FBXL13: variants seen among roughly 807,000 people sequenced by gnomAD.
The protein encoded by FBXL13 is F-box and leucine rich repeat protein 13, also known as F-box and leucine-rich repeat protein 13.
In FBXL13, 67 loss-of-function variants were observed where a neutral mutation model predicts 83.6. The observed-to-expected ratio is 0.80, with a 90% CI of 0.66 to 0.98. FBXL13 has a LOEUF of 0.98. Ranked by LOEUF, FBXL13 falls within the 50% of genes least tolerant of loss-of-function variation. The probability of loss-of-function intolerance (pLI) is 0.00; values close to 1 mark genes in which losing one functional copy is unlikely to be tolerated. For synonymous variants in FBXL13, 272 were observed against 299.5 expected (o/e 0.91, Z 0.95); for missense variants, 822 against 866.5 (o/e 0.95, Z 0.64).
intron 6 of FBXL13, among the ~76,000 whole-genome samples, 180 bp downstream of exon 7, chr7:103,024,877 TGAGATG>T (rs1793718106): frequency 7.8e-6 from 1 of 128,708 alleles, no homozygotes; most frequent in African/African-American, 2.8e-5. Flanking sequence ...TTTTTTTTTT[TGAGATG>T]GAGTTTTGCT....
At chr7:102,887,280 T>C (rs989850542) in intron 11 of FBXL13, among the ~76,000 whole-genome samples, 3 of 152,082 alleles carry the variant, frequency 2.0e-5, no homozygotes, top group African/African-American at 7.2e-5. Context: ...GACAGGTGAT[T>C]TACACACAGA....
intron 3 of FBXL13, 117 bp from the exon 5 acceptor site, chr7:103,028,865 A>T (rs1794215445): frequency 1.2e-6 from 1 of 814,536 alleles, no homozygotes; most frequent in Non-Finnish European, 1.7e-6. Context: ...AAACCACAGC[A>T]TAGAAAGAAA....
intron 13 of FBXL13, 45 bp downstream of exon 14, chr7:102,883,523 T>G: frequency 6.3e-7 from 1 of 1,587,262 alleles, no homozygotes; most frequent in Non-Finnish European, 8.6e-7. Flanking sequence ...GCCACAAGAG[T>G]AAAAGTAAAC....
At chr7:102,820,088 C>T (rs1010598720) in intron 19 of FBXL13, among the ~76,000 whole-genome samples, 19 of 152,224 alleles carry the variant, frequency 1.2e-4, no homozygotes, top group Admixed American at 7.9e-4. Context: ...CTGGGACTCT[C>T]CAAGCCACTC....
intron 10 of FBXL13, 94 bp downstream of exon 11, chr7:102,926,180 T>C: frequency 3.0e-6 from 3 of 998,152 alleles, no homozygotes; most frequent in Middle Eastern, 4.8e-4. Context: ...GGGGTGTTGA[T>C]AAAGGGAGCA....
At chr7:102,846,552 G>T (rs914593332) in intron 17 of FBXL13, among the ~76,000 whole-genome samples, 2 of 150,184 alleles carry the variant, frequency 1.3e-5, no homozygotes, top group Non-Finnish European at 2.9e-5. Flanking sequence ...CCGGAAGGAG[G>T]TTGCAGTGAG....
At chr7:102,877,355 T>A (rs1371185331) in intron 16 of FBXL13, 112 bp downstream of exon 17, 5 of 972,404 alleles carry the variant, frequency 5.1e-6, no homozygotes, top group Non-Finnish European at 5.6e-6. Flanking sequence ...TTAACTTTTA[T>A]AATAGAATAA....
At chr7:103,072,243 C>T (rs997542625) in intron 1 of FBXL13, among the ~76,000 whole-genome samples, 7 of 151,456 alleles carry the variant, frequency 4.6e-5, no homozygotes, top group Admixed American at 2.0e-4. Context: ...AATGTACAGA[C>T]AGGATATGAG....
intron 6 of FBXL13, among the ~76,000 whole-genome samples, chr7:103,010,655 T>A (rs1791510123): frequency 6.6e-6 from 1 of 151,930 alleles, no homozygotes; most frequent in South Asian, 2.1e-4. Flanking sequence ...TGAATCCCCC[T>A]GGGGGCACCC....
intron 8 of FBXL13, among the ~76,000 whole-genome samples, chr7:102,941,418 A>G (rs1012662013): frequency 1.5e-4 from 23 of 152,094 alleles, no homozygotes; most frequent in Non-Finnish European, 2.5e-4. Context: ...CCACTTCCCA[A>G]GCCCCTACCT....
intron 6 of FBXL13, among the ~76,000 whole-genome samples, chr7:102,971,141 T>TG (rs1293768044): frequency 6.6e-6 from 1 of 152,112 alleles, no homozygotes; most frequent in African/African-American, 2.4e-5. Flanking sequence ...GCATTATAAG[T>TG]GAAACTGCAA....
chr7:102,848,881 T>C (rs1176682368), intron 17 of FBXL13, among the ~76,000 whole-genome samples: 1 of 151,960 alleles, frequency 6.6e-6, no homozygotes, highest in Non-Finnish European at 1.5e-5. Flanking sequence ...ATGCCTGTAA[T>C]CCCAGCTACT....
intron 6 of FBXL13, among the ~76,000 whole-genome samples, chr7:102,993,174 G>A (rs1829756794): frequency 6.6e-6 from 1 of 152,178 alleles, no homozygotes; most frequent in African/African-American, 2.4e-5. Flanking sequence ...GGTGAAATGA[G>A]GTCAGACTGA....
At chr7:103,038,859 G>A (rs1164057633) in intron 2 of FBXL13, among the ~76,000 whole-genome samples, 2 of 152,204 alleles carry the variant, frequency 1.3e-5, no homozygotes, top group Non-Finnish European at 2.9e-5. Context: ...CACAAAGATG[G>A]GGAGAAACCA....
At chr7:102,866,820 G>A (rs1807720571) in intron 16 of FBXL13, among the ~76,000 whole-genome samples, 1 of 152,184 alleles carries the variant, frequency 6.6e-6, no homozygotes, top group Admixed American at 6.5e-5. Flanking sequence ...TTCACTCACT[G>A]ATCAAACATT....
At chr7:102,884,023 GT>G (rs1351907615) in intron 12 of FBXL13, among the ~76,000 whole-genome samples, 190 bp downstream of exon 13, 2 of 152,230 alleles carry the variant, frequency 1.3e-5, no homozygotes, top group African/African-American at 4.8e-5. Context: ...GTGAAACAAG[GT>G]TTCTTAGGAT....
upstream of FBXL13, chr7:103,074,612 C>T: frequency 8.0e-7 from 1 of 1,256,502 alleles, no homozygotes; most frequent in Non-Finnish European, 1.0e-6. Flanking sequence ...AAACCTAGTC[C>T]CTCCTCCGGG....
chr7:102,839,688 C>T (rs1046666344), intron 17 of FBXL13, among the ~76,000 whole-genome samples: 3 of 152,238 alleles, frequency 2.0e-5, no homozygotes, highest in East Asian at 1.9e-4. Context: ...CTCAGGGATC[C>T]GCCTGCCTCA....
At chr7:103,039,633 G>A (rs191690325) in intron 2 of FBXL13, among the ~76,000 whole-genome samples, 3 of 152,090 alleles carry the variant, frequency 2.0e-5, no homozygotes, top group Admixed American at 6.5e-5. Context: ...ATCTCTCGGC[G>A]GAAACCTTAT....
Sources: gnomAD v4.1 joint callset for allele counts (sites outside exome capture counted in the v4.1 genomes callset) on GRCh38, gnomAD v4.1.1 for gene constraint, MANE v1.5 for transcripts, NCBI Gene and HGNC (gene_info 2026-07-23, HGNC 2026-07-21) for gene names.